TLL2: variants seen among roughly 807,000 people sequenced by gnomAD.
TLL2 encodes the protein tolloid like 2.
In TLL2, 106 loss-of-function variants were observed where a neutral mutation model predicts 123.0. The ratio of observed to expected loss-of-function variants is 0.86; its 90% CI spans 0.74 to 1.01. TLL2 has a LOEUF of 1.01. Ranked by LOEUF, TLL2 falls within the 50% of genes least tolerant of loss-of-function variation. The probability of loss-of-function intolerance (pLI) is 0.00; values close to 1 mark genes in which losing one functional copy is unlikely to be tolerated. For missense variants in TLL2, 1,332 were observed against 1,336.7 expected, an observed-to-expected ratio of 1.00 and a Z score of 0.06; for synonymous variants, 494 against 516.8, an observed-to-expected ratio of 0.96 and a Z score of 0.60.
chr10:96,407,876 T>C (rs1398350819), intron 9 of TLL2, among the ~76,000 whole-genome samples: 1 of 152,014 alleles, frequency 6.6e-6, no homozygotes, highest in Admixed American at 6.5e-5. Context: ...TGCGCACACG[T>C]GTGTGCGTGT....
intron 2 of TLL2, among the ~76,000 whole-genome samples, chr10:96,458,587 CAAAAAAAAAAAAA>C (rs55819031): frequency 0.014 from 625 of 46,042 alleles, 8 homozygotes; most frequent in Admixed American, 0.025. Flanking sequence ...GACTTCGTCT[CAAAAAAAAAAAAA>C]AAAAAAAAAA....
intron 2 of TLL2, among the ~76,000 whole-genome samples, chr10:96,467,064 C>A (rs1240572566): frequency 6.6e-6 from 1 of 152,188 alleles, no homozygotes; most frequent in Non-Finnish European, 1.5e-5. Context: ...GCAGCAAATG[C>A]ATTTGCAACA....
At chr10:96,395,025 C>T (rs1253107395) in intron 13 of TLL2, among the ~76,000 whole-genome samples, 162 bp downstream of exon 13, 1 of 152,240 alleles carries the variant, frequency 6.6e-6, no homozygotes, top group African/African-American at 2.4e-5. Context: ...CAGTTGGGAA[C>T]TCTGCTGGGG....
At chr10:96,504,324 G>A (rs1847559451) in intron 1 of TLL2, among the ~76,000 whole-genome samples, 1 of 152,150 alleles carries the variant, frequency 6.6e-6, no homozygotes, top group Admixed American at 6.5e-5. Flanking sequence ...AAGTCTCTGG[G>A]TATAGCTGGG....
intron 2 of TLL2, among the ~76,000 whole-genome samples, chr10:96,465,523 C>G (rs1248334036): frequency 6.6e-6 from 1 of 152,152 alleles, no homozygotes; most frequent in Non-Finnish European, 1.5e-5. Flanking sequence ...GAGACTGAAC[C>G]CTCAAGAAAA....
chr10:96,459,704 A>AT (rs61160430), intron 2 of TLL2, among the ~76,000 whole-genome samples: 5 of 48,214 alleles, frequency 1.0e-4, no homozygotes, highest in Non-Finnish European at 1.6e-4. Flanking sequence ...AAAAAAAAAA[A>AT]AATATATATA....
At position 96,493,245 on chromosome 10, in the gene TLL2, G is replaced by T. The variant is rs1322175211; in HGVS notation, c.176-12786C>A. On this transcript the variant is annotated intron_variant, in intron 1 of 20. Coordinates refer to ENST00000357947, the MANE Select transcript of TLL2 (RefSeq NM_012465.4). ...CCCCTCTCAATTCTAACTCTTAACT[G>T]CCATGCGTCTTTGGCTCCCTTTGTA... 3.3e-5 allele frequency among the ~76,000 whole-genome samples: 5 copies of T among 152,160 alleles called. No homozygotes were observed. The South Asian group carries it at 6.2e-4, about 19-fold the overall frequency.
chr10:96,400,411 G>A (rs1025805470), intron 10 of TLL2, among the ~76,000 whole-genome samples: 1 of 148,254 alleles, frequency 6.7e-6, no homozygotes, highest in Non-Finnish European at 1.5e-5. Context: ...GCACAGTTCT[G>A]AACATTGTAC....
intron 18 of TLL2, among the ~76,000 whole-genome samples, chr10:96,374,973 G>T (rs1421086432): frequency 7.8e-5 from 11 of 141,708 alleles, no homozygotes; most frequent in East Asian, 2.1e-4. Flanking sequence ...GGGGGGGGGG[G>T]GGGGTGTCAA....
At chr10:96,376,154 C>T (rs193046515) in intron 18 of TLL2, among the ~76,000 whole-genome samples, 42 of 152,280 alleles carry the variant, frequency 2.8e-4, no homozygotes, top group African/African-American at 8.2e-4. Context: ...AGAAAAAATA[C>T]GAATGGGATT....
intron 2 of TLL2, 29 bp from the exon 3 acceptor site, chr10:96,446,197 A>G: frequency 6.2e-7 from 1 of 1,608,500 alleles, no homozygotes. Context: ...AAGAGGCATG[A>G]GGACACATCA....
chr10:96,451,785 C>T (rs918498292), intron 2 of TLL2, among the ~76,000 whole-genome samples: 7 of 152,110 alleles, frequency 4.6e-5, no homozygotes, highest in African/African-American at 1.4e-4. Flanking sequence ...AGGGACACAC[C>T]GCCATTGGGT....
In TLL2 at chr10:96,386,133, G is replaced by A. The variant is rs1846232922; in HGVS notation, c.1935C>T (p.Asn645=). Reference sequence around the variant, plus strand: ...CGGGGGCCACCACCTGCCAGACACAGTTTTTGTTTGTGGGATACTCCTTCG... The same window carrying A: ...CGGGGGCCACCACCTGCCAGACACAATTTTTGTTTGTGGGATACTCCTTCG... ...GWPKEYPTNK[N]CVWQVVAPAQ... is the part of the protein sequence containing the mutation. The change falls in exon 15 of 21, where the codon AAC becomes AAT. Residue 645 remains asparagine, a synonymous_variant. Coordinates refer to ENST00000357947, the MANE Select transcript of TLL2 (RefSeq NM_012465.4). The A allele has an allele frequency of 6.2e-7, 1 of 1,613,284 alleles. No individual in the cohort carries two copies. Among genetic ancestry groups the A allele is most frequent in the Non-Finnish European group, 8.5e-7 (1 of 1,179,622 alleles).
intron 2 of TLL2, among the ~76,000 whole-genome samples, chr10:96,457,569 C>T (rs1443475225): frequency 2.0e-5 from 3 of 152,198 alleles, no homozygotes; most frequent in Non-Finnish European, 2.9e-5. Flanking sequence ...TCCTTTTCCT[C>T]AAGGGCTCTC....
At chr10:96,503,826 T>A (rs115071037) in intron 1 of TLL2, among the ~76,000 whole-genome samples, 1 of 152,310 alleles carries the variant, frequency 6.6e-6, no homozygotes, top group East Asian at 1.9e-4. Flanking sequence ...AAGAAAAAGA[T>A]AGGGAGACGG....
rs1269105315 is a variant in TLL2, at chr10:96,428,584, G to A, written c.638+47C>T. 3.2e-6 allele frequency: 4 copies of A among 1,231,496 alleles called. No homozygotes were observed. The Admixed American group carries it at 7.0e-5, about 21-fold the overall frequency. 76.3% of individuals were successfully genotyped at this position (1,231,496 alleles called of 1,614,324 possible). ...TACAGAGAAAATTCAACACTCATGA[G>A]CCATCCGACTGATTCTGCAGAGGTG... On this transcript the variant is annotated intron_variant, in intron 5 of 20. Transcript: ENST00000357947.
At chr10:96,479,168 T>C (rs1474312020) in intron 2 of TLL2, among the ~76,000 whole-genome samples, 1 of 152,214 alleles carries the variant, frequency 6.6e-6, no homozygotes, top group African/African-American at 2.4e-5. Context: ...ATTTCAAACC[T>C]TATACGAGAC....
intron 2 of TLL2, among the ~76,000 whole-genome samples, chr10:96,455,290 A>G (rs12415474): frequency 0.2 from 30,150 of 152,070 alleles, 3,181 homozygotes; most frequent in South Asian, 0.34. Context: ...AAAGGACTCA[A>G]GTGACTAGGT....
intron 1 of TLL2, among the ~76,000 whole-genome samples, chr10:96,497,535 G>C (rs1188992814): frequency 6.6e-6 from 1 of 152,124 alleles, no homozygotes; most frequent in Non-Finnish European, 1.5e-5. Context: ...GCAGACCCTA[G>C]GGAAGAGGAG....
Sources: gnomAD v4.1 joint callset for allele counts (sites outside exome capture counted in the v4.1 genomes callset) on GRCh38, gnomAD v4.1.1 for gene constraint, MANE v1.5 for transcripts, NCBI Gene and HGNC (gene_info 2026-07-23, HGNC 2026-07-21) for gene names.